Variants in NKAIN1 observed in about 807,000 individuals in gnomAD.
The protein encoded by NKAIN1 is sodium/potassium transporting ATPase interacting 1.
Under a neutral mutation model 31.6 loss-of-function variants are expected in NKAIN1, and 13 were observed. That is an observed-to-expected ratio of 0.41 (90% CI 0.27 to 0.65). The LOEUF (loss-of-function observed/expected upper bound fraction) is 0.65, where lower values mean the gene tolerates loss of function less well. Ranked by LOEUF, NKAIN1 falls within the 30% of genes least tolerant of loss-of-function variation. The pLI is 0.30. For synonymous variants in NKAIN1, 104 were observed against 109.0 expected (o/e 0.95, Z 0.28); for missense variants, 193 against 262.2 (o/e 0.74, Z 1.82).
At position 31,200,067 on chromosome 1, in the gene NKAIN1, G is replaced by A. The variant is rs143592708; in HGVS notation, c.55-11880C>T. Among the ~76,000 whole-genome samples the A allele has an allele frequency of 1.6e-3, 250 of 151,658 alleles. 2 individuals carry two copies. The highest frequency in any genetic ancestry group is 5.5e-3 in the African/African-American group (228 of 41,302). Reference sequence around the variant, plus strand: ...CACACGTGCACACACGCACGCGCACGCACGAACACATGCGCGCACACGCAT... The same window carrying A: ...CACACGTGCACACACGCACGCGCACACACGAACACATGCGCGCACACGCAT... On this transcript the variant is annotated intron_variant, in intron 1 of 6. Transcript: ENST00000373736.
At chr1:31,196,511 T>TGAAAA (rs1645328519) in intron 1 of NKAIN1, among the ~76,000 whole-genome samples, 1 of 10,148 alleles carries the variant, frequency 9.9e-5, no homozygotes. Flanking sequence ...AGACTCCTAC[T>TGAAAA]CAAAAAAAAA....
chr1:31,231,757 C>G (rs1231361585), intron 1 of NKAIN1, among the ~76,000 whole-genome samples: 2 of 149,796 alleles, frequency 1.3e-5, no homozygotes, highest in African/African-American at 2.5e-5. Context: ...GTCTCGATCT[C>G]CTGACCTTGT....
chr1:31,202,786 G>A (rs1430299056), intron 1 of NKAIN1, among the ~76,000 whole-genome samples: 1 of 149,846 alleles, frequency 6.7e-6, no homozygotes, highest in African/African-American at 2.5e-5. Flanking sequence ...AGACCATCCT[G>A]GCCAACATGG....
At chr1:31,186,863 G>A (rs1338140525) in intron 2 of NKAIN1, among the ~76,000 whole-genome samples, 5 of 152,228 alleles carry the variant, frequency 3.3e-5, no homozygotes, top group Non-Finnish European at 5.9e-5. Flanking sequence ...AGGCCCCTGG[G>A]CCCCTCAGTT....
At chr1:31,231,845 AT>A (rs1645652275) in intron 1 of NKAIN1, among the ~76,000 whole-genome samples, 1 of 151,312 alleles carries the variant, frequency 6.6e-6, no homozygotes, top group South Asian at 2.1e-4. Context: ...AATTGTTTTA[AT>A]TTTTAGCTCA....
intron 1 of NKAIN1, among the ~76,000 whole-genome samples, chr1:31,232,489 A>G (rs1645662297): frequency 8.2e-6 from 1 of 121,980 alleles, no homozygotes; most frequent in Non-Finnish European, 1.7e-5. Context: ...AGGTCTCACT[A>G]TGTTCCCCAG....
chr1:31,185,028 A>G, intron 3 of NKAIN1: 2 of 540,094 alleles, frequency 3.7e-6, no homozygotes, highest in South Asian at 2.3e-5. Flanking sequence ...TCATCTTCAC[A>G]TGGACTGCTC....
chr1:31,230,675 T>TC (rs998116828), intron 1 of NKAIN1, among the ~76,000 whole-genome samples: 3 of 152,058 alleles, frequency 2.0e-5, no homozygotes, highest in Non-Finnish European at 4.4e-5. Context: ...AACCCAGCTC[T>TC]CCCCCCATGG....
chr1:31,230,419 C>T (rs977860770), intron 1 of NKAIN1, among the ~76,000 whole-genome samples: 1 of 152,228 alleles, frequency 6.6e-6, no homozygotes, highest in African/African-American at 2.4e-5. Context: ...TCCCAGTTCC[C>T]AGTCCACCTC....
intron 2 of NKAIN1, among the ~76,000 whole-genome samples, chr1:31,185,862 G>C (rs955360435): frequency 2.0e-5 from 3 of 152,094 alleles, no homozygotes; most frequent in Non-Finnish European, 1.5e-5. Context: ...TAGAGGGCGA[G>C]GACTCTGACT....
chr1:31,212,311 TCA>T, intron 1 of NKAIN1, among the ~76,000 whole-genome samples: 1 of 152,060 alleles, frequency 6.6e-6, no homozygotes, highest in African/African-American at 2.4e-5. Flanking sequence ...TGAAAATGGG[TCA>T]AAAACCTAAA....
intron 1 of NKAIN1, among the ~76,000 whole-genome samples, chr1:31,228,077 G>A (rs1645621178): frequency 6.6e-6 from 1 of 152,210 alleles, no homozygotes; most frequent in Admixed American, 6.5e-5. Flanking sequence ...AAGGCATCCT[G>A]GCATCATTAG....
intron 1 of NKAIN1, among the ~76,000 whole-genome samples, chr1:31,219,853 T>G (rs866622981): frequency 6.6e-6 from 1 of 152,204 alleles, no homozygotes; most frequent in Non-Finnish European, 1.5e-5. Flanking sequence ...CTTGCCCATC[T>G]GTAAAACAGG....
chr1:31,232,399 ATATATAT>A (rs1645657031), intron 1 of NKAIN1, among the ~76,000 whole-genome samples: 1 of 19,730 alleles, frequency 5.1e-5, no homozygotes, highest in African/African-American at 1.4e-4. Flanking sequence ...CCTACTTCAT[ATATATAT>A]ATATATATAT....
Position 31,182,626 on chromosome 1 carries a change from G to A in NKAIN1, c.472-36C>T, listed in dbSNP as rs552806994. The A allele has an allele frequency of 1.1e-5, 17 of 1,612,408 alleles. 1 individual carries two copies. In the South Asian group the frequency reaches 1.8e-4, roughly 17 times the overall value. ...AGATGACACGTCAGGGAGGAAGGAG[G>A]AGTGGGAACCTCTTCCTCCGCCCCC... On this transcript the variant is annotated intron_variant, in intron 4 of 6. Coordinates refer to ENST00000373736, the MANE Select transcript of NKAIN1 (RefSeq NM_024522.3).
intron 2 of NKAIN1, among the ~76,000 whole-genome samples, chr1:31,187,180 G>A (rs1246373152): frequency 6.6e-6 from 1 of 152,154 alleles, no homozygotes; most frequent in Non-Finnish European, 1.5e-5. Flanking sequence ...AGTGTGTGTG[G>A]GCTCTGGAGG....
chr1:31,212,941 G>A (rs1488775355), intron 1 of NKAIN1, among the ~76,000 whole-genome samples: 3 of 151,952 alleles, frequency 2.0e-5, no homozygotes, highest in Admixed American at 2.0e-4. Flanking sequence ...AGCTCGTGGT[G>A]AGCCAAGATT....
chr1:31,213,465 G>A (rs1483901014), intron 1 of NKAIN1, among the ~76,000 whole-genome samples: 1 of 152,214 alleles, frequency 6.6e-6, no homozygotes, highest in Admixed American at 6.5e-5. Flanking sequence ...GAACTCTCAT[G>A]TGTTGCTGGT....
In NKAIN1 at chr1:31,239,608, T is replaced by C; in HGVS notation, c.-61A>G. 9.9e-7 allele frequency: 1 copy of C among 1,010,502 alleles called. No individual in the cohort carries two copies. The highest frequency in any genetic ancestry group is 1.2e-6 in the Non-Finnish European group (1 of 821,334). 62.6% of individuals were successfully genotyped at this position (1,010,502 alleles called of 1,614,324 possible). On this transcript the variant is annotated 5_prime_UTR_variant, in exon 1 of 7. Transcript: ENST00000373736. This position sits in a 1 kb window ranked among gnomAD's most constrained non-coding sequence, Gnocchi z 4.8. ...CCCTTCTTGCTCCGCGGCCGCCGCC[T>C]GCTCGCGCCGCGCGGGCTCCACGTC...
Sources: allele counts gnomAD v4.1 joint callset (sites outside exome capture counted in the v4.1 genomes callset), GRCh38; gene constraint gnomAD v4.1.1; non-coding constraint Gnocchi (gnomAD v3.1); transcripts MANE v1.5; gene names NCBI Gene and HGNC (gene_info 2026-07-23, HGNC 2026-07-21).